SETD5: variants seen among roughly 807,000 people sequenced by gnomAD.
SETD5 encodes histone-lysine N-methyltransferase SETD5.
A neutral mutation model predicts 153.3 loss-of-function variants in SETD5; 44 were observed. The ratio of observed to expected loss-of-function variants is 0.29; its 90% CI spans 0.23 to 0.37. The LOEUF (loss-of-function observed/expected upper bound fraction) is 0.37, where lower values mean the gene tolerates loss of function less well. Among genes scored for constraint, SETD5 ranks in the 10% least tolerant of loss-of-function variants. The pLI is 1.00. For synonymous variants in SETD5, 716 were observed against 645.2 expected, an observed-to-expected ratio of 1.11 and a Z score of -1.66; for missense variants, 1,544 against 1,768.0, an observed-to-expected ratio of 0.87 and a Z score of 2.27.
At chr3:9,454,636 A>C (rs1327887485) in intron 17 of SETD5, among the ~76,000 whole-genome samples, 3 of 151,174 alleles carry the variant, frequency 2.0e-5, no homozygotes, top group Non-Finnish European at 3.0e-5. Flanking sequence ...AAAAAAAAAA[A>C]AAAAAAAAAA....
At chr3:9,466,506 A>G (rs1366198029) in intron 18 of SETD5, among the ~76,000 whole-genome samples, 1 of 152,078 alleles carries the variant, frequency 6.6e-6, no homozygotes. Flanking sequence ...CCAGGAGGGA[A>G]GGAAAATATT....
At chr3:9,428,227 A>G (rs1420771842) in intron 2 of SETD5, among the ~76,000 whole-genome samples, 1 of 152,224 alleles carries the variant, frequency 6.6e-6, no homozygotes, top group African/African-American at 2.4e-5. Context: ...AGATGATTGC[A>G]TCTTCTCCCA....
At position 9,447,288 on chromosome 3, in the gene SETD5, G is replaced by T. The variant is rs768141005; in HGVS notation, c.1763G>T (p.Arg588Leu). ...CCACAGAGTGTTGGTGTGAATACCC[G>T]GAGGTCTTCCCAAGCAGGGGTAAGA... ...STPQSVGVNT[R>L]RSSQAGDIAA... Residue 588 changes from arginine (R) to leucine (L), a missense_variant, in exon 14 of 23, where the codon CGG (arginine) becomes CTG (leucine). By Grantham distance (102) the Arg-to-Leu change is moderately radical (BLOSUM62 -2). Transcript: ENST00000402198. 6.2e-7 allele frequency: 1 copy of T among 1,613,206 alleles called. No individual in the cohort carries two copies. The highest frequency in any genetic ancestry group is 8.5e-7 in the Non-Finnish European group (1 of 1,179,620).
rs1553601495 is a variant in SETD5 at position 9,397,678 on chromosome 3, C to CGCCGCCGCCGCCGCT, written c.-468_-467insCGCCGCTGCCGCCGC. On this transcript the variant is annotated 5_prime_UTR_variant, in exon 1 of 23. Transcript: ENST00000402198. ...CCGCCGCCGCCGCCGCCGCCGCCGCCGCCGCCGCTGCCGGGGGAGGGGCGG... is the reference window on the plus strand; with the variant it reads ...CCGCCGCCGCCGCCGCCGCCGCCGCCGCCGCCGCCGCCGCTGCCGCCGCTGCCGGGGGAGGGGCGG... 1.1e-5 allele frequency: 2 copies of CGCCGCCGCCGCCGCT among 180,380 alleles called. No individual in the cohort carries two copies. The highest frequency in any genetic ancestry group is 6.5e-5 in the Admixed American group (1 of 15,468). 11.2% of individuals were successfully genotyped at this position (180,380 alleles called of 1,614,324 possible).
Position 9,424,486 on chromosome 3 carries a change from G to C in SETD5, c.-157G>C, listed in dbSNP as rs1330230725. 1.3e-5 allele frequency: 2 copies of C among 152,170 alleles called. No homozygotes were observed. Among genetic ancestry groups the C allele is most frequent in the Non-Finnish European group, 1.5e-5 (1 of 68,022 alleles). 9.4% of individuals were successfully genotyped at this position (152,170 alleles called of 1,614,324 possible). A position where few individuals can be genotyped will look rare whatever the true frequency, so the allele number is the denominator to read the frequency against. On this transcript the variant is annotated 5_prime_UTR_variant, in exon 2 of 23. Coordinates refer to ENST00000402198, the MANE Select transcript of SETD5 (RefSeq NM_001080517.3). The stretch of plus-strand genomic sequence containing the variant: ...TTCTAGGTCTTCAGAACTACTAGCA[G>C]ATAATTTGGGGGGACTTCATATTCA...
intron 17 of SETD5, among the ~76,000 whole-genome samples, chr3:9,457,562 AAG>A (rs2043414207): frequency 6.6e-6 from 1 of 150,746 alleles, no homozygotes; most frequent in South Asian, 2.1e-4. Flanking sequence ...AATATATAAA[AAG>A]TGTAAATATA....
chr3:9,431,508 A>G, intron 3 of SETD5: 1 of 968,000 alleles, frequency 1.0e-6, no homozygotes, highest in Non-Finnish European at 1.2e-6. Flanking sequence ...GAAATCTTGT[A>G]GTTACCTGTA....
chr3:9,414,246 T>C (rs1367670070), intron 1 of SETD5, among the ~76,000 whole-genome samples: 1 of 152,226 alleles, frequency 6.6e-6, no homozygotes, highest in Non-Finnish European at 1.5e-5. Flanking sequence ...GGATTCCTAC[T>C]AGATTTCCTT....
Position 9,412,392 on chromosome 3 carries a change from T to TTTTTTTTG in SETD5, c.-176-12068_-176-12067insGTTTTTTT, listed in dbSNP as rs1553607017. Among the ~76,000 whole-genome samples the TTTTTTTTG allele has an allele frequency of 4.4e-5, 6 of 135,352 alleles. No individual in the cohort carries two copies. In the East Asian group the frequency reaches 1.3e-3, roughly 28 times the overall value. 88.8% of individuals were successfully genotyped at this position (135,352 alleles called of 152,430 possible). A position where few individuals can be genotyped will look rare whatever the true frequency, so the allele number is the denominator to read the frequency against. ...ACTACAGTGCACAGTTTTGGGTTTT[T>TTTTTTTTG]TTTTTTTTTTTTTTTTTTTTTTTTT... On this transcript the variant is annotated intron_variant, in intron 1 of 22. Transcript: ENST00000402198.
intron 6 of SETD5, among the ~76,000 whole-genome samples, chr3:9,435,474 G>A (rs1273597261): frequency 6.6e-6 from 1 of 152,184 alleles, no homozygotes; most frequent in East Asian, 1.9e-4. Context: ...TATAGATTGA[G>A]TCAGCGAAGC....
Position 9,447,917 on chromosome 3 carries a change from A to G in SETD5, c.2014A>G (p.Arg672Gly). The part of the protein sequence containing the change: ...AGSLDSSGEN[R>G]PLTGSDPTVV... ...AAGTCTAGACAGTTCAGGAGAAAACAGGCCATTAACAGGGTCTGACCCAAC... is the reference window on the plus strand; with the variant it reads ...AAGTCTAGACAGTTCAGGAGAAAACGGGCCATTAACAGGGTCTGACCCAAC... The change falls in exon 15 of 23, where the codon AGG (arginine) becomes GGG (glycine). Residue 672 changes from arginine (R) to glycine (G), a missense_variant. Physicochemically the swap from Arg to Gly is moderately radical, Grantham distance 125. This residue lies in a region of SETD5 where 782 missense variants were observed against 787.2 expected (regional missense o/e 0.99). Transcript: ENST00000402198. 1 of 1,613,996 alleles carries G rather than the reference A, an allele frequency of 6.2e-7. No individual in the cohort carries two copies. Among genetic ancestry groups the G allele is most frequent in the Middle Eastern group, 1.6e-4 (1 of 6,062 alleles).
chr3:9,434,960 C>G lies in SETD5; in HGVS notation c.388+78C>G. The G allele has an allele frequency of 6.6e-7, 1 of 1,520,094 alleles. No individual in the cohort carries two copies. 94.2% of individuals were successfully genotyped at this position (1,520,094 alleles called of 1,614,324 possible). On this transcript the variant is annotated intron_variant, in intron 6 of 22. Transcript: ENST00000402198. The surrounding 1 kb of genome is among the most constrained non-coding windows in gnomAD (Gnocchi z 5.6). ...CTGAATGTTCATTTTAAGAACCCCTCTTGGCCAGGCGCAGTGGCTTACGCC... is the reference window on the plus strand; with the variant it reads ...CTGAATGTTCATTTTAAGAACCCCTGTTGGCCAGGCGCAGTGGCTTACGCC...
intron 20 of SETD5, among the ~76,000 whole-genome samples, chr3:9,474,240 A>T (rs900320954): frequency 7.9e-5 from 12 of 152,230 alleles, no homozygotes; most frequent in African/African-American, 2.9e-4. Context: ...TTTTTCCTTG[A>T]TTTCTTTTTC....
intron 17 of SETD5, 82 bp downstream of exon 17, chr3:9,453,950 A>G: frequency 7.3e-7 from 1 of 1,369,094 alleles, no homozygotes; most frequent in Non-Finnish European, 9.6e-7. Context: ...AGTATTTCTG[A>G]TACAAAAAGA....
At chr3:9,426,171 C>T (rs1327787929) in intron 2 of SETD5, 2 of 129,776 alleles carry the variant, frequency 1.5e-5, no homozygotes, top group Non-Finnish European at 3.1e-5. Flanking sequence ...AGGAAACATA[C>T]ATGTGTAAGA....
intron 1 of SETD5, among the ~76,000 whole-genome samples, chr3:9,403,307 ACT>A: frequency 6.6e-6 from 1 of 151,936 alleles, no homozygotes; most frequent in Non-Finnish European, 1.5e-5. Context: ...TAAATCCCAC[ACT>A]CTGCACCCTC....
chr3:9,401,499 C>T (rs916277052), intron 1 of SETD5, among the ~76,000 whole-genome samples: 1 of 152,068 alleles, frequency 6.6e-6, no homozygotes, highest in African/African-American at 2.4e-5. Flanking sequence ...TGTTTTGTGT[C>T]CAGGAACTGA....
At position 9,437,522 on chromosome 3, in the gene SETD5, C is replaced by CGTGTGTGTGTGTGTGTGTGTGTGTGTGT. The variant is rs6147703; in HGVS notation, c.567+1617_567+1644dup. 1.3e-3 allele frequency among the ~76,000 whole-genome samples: 187 copies of CGTGTGTGTGTGTGTGTGTGTGTGTGTGT among 145,120 alleles called. 2 individuals are homozygous for CGTGTGTGTGTGTGTGTGTGTGTGTGTGT. The highest frequency in any genetic ancestry group is 4.6e-3 in the African/African-American group (180 of 38,738). ...TTATGCTGTCTGGTATCCTCCTTTA[C>CGTGTGTGTGTGTGTGTGTGTGTGTGTGT]GTGTGTGTGTGTGTGTGTGTGTGTG... is the stretch of plus-strand genomic sequence containing the variant. On this transcript the variant is annotated intron_variant, in intron 7 of 22. Transcript: ENST00000402198.
chr3:9,413,862 C>G (rs2037004793), intron 1 of SETD5, among the ~76,000 whole-genome samples: 1 of 152,088 alleles, frequency 6.6e-6, no homozygotes, highest in Non-Finnish European at 1.5e-5. Context: ...ACTGCAACCT[C>G]TGCCTCCCGG....
Sources: allele counts gnomAD v4.1 joint callset (sites outside exome capture counted in the v4.1 genomes callset), GRCh38; gene constraint gnomAD v4.1.1; regional missense constraint gnomAD v4.1.1; non-coding constraint Gnocchi (gnomAD v3.1); transcripts MANE v1.5; gene names NCBI Gene and HGNC (gene_info 2026-07-23, HGNC 2026-07-21).